The following SLC16A6 variants were observed in gnomAD, a reference collection of about 807,000 sequenced individuals.
SLC16A6 encodes solute carrier family 16 member 6, also known as monocarboxylate transporter 7.
SLC16A6 carries 15 observed loss-of-function variants against 33.8 expected under a neutral mutation model. The observed-to-expected ratio is 0.44, with a 90% CI of 0.30 to 0.68. The LOEUF (loss-of-function observed/expected upper bound fraction) is 0.68. Among genes scored for constraint, SLC16A6 ranks in the 30% least tolerant of loss-of-function variants. The pLI is 0.10. For synonymous variants in SLC16A6, 219 were observed against 248.4 expected (o/e 0.88, Z 1.11); for missense variants, 451 against 661.5 (o/e 0.68, Z 3.49).
rs1555750063 is a variant in SLC16A6 at position 68,274,017 on chromosome 17, A to G, written c.286T>C (p.Leu96=). ...CCGGTGCTGACAAGTAGCCCCCCCA[A>G]CATCACTACCAGACGGTGTCCGAAA... The part of the protein sequence containing the change: ...NRFGHRLVVM[L]GGLLVSTGMV... The change falls in exon 3 of 6, where the codon TTG becomes CTG. Residue 96 remains leucine, a synonymous_variant. Coordinates refer to ENST00000580666, the MANE Select transcript of SLC16A6 (RefSeq NM_004694.5). 17 of 1,614,020 alleles carry G rather than the reference A, an allele frequency of 1.1e-5. No homozygotes were observed. The highest frequency in any genetic ancestry group is 6.6e-5 in the South Asian group (6 of 91,088).
chr17:68,272,911 T>C (rs12937152), intron 3 of SLC16A6, 144 bp from the exon 4 acceptor site: 226 of 964,504 alleles, frequency 2.3e-4, no homozygotes, highest in Non-Finnish European at 2.9e-4. Context: ...ACAAAGGTGA[T>C]GTTGCAAAGA....
chr17:68,282,293 A>T lies in SLC16A6; in HGVS notation c.-7-3966T>A, dbSNP rs1292827519. Among the ~76,000 whole-genome samples, 3 of 151,830 alleles carry T rather than the reference A, an allele frequency of 2.0e-5. No individual in the cohort carries two copies. In the East Asian group the frequency reaches 5.9e-4, roughly 30 times the overall value. On this transcript the variant is annotated intron_variant, in intron 1 of 5. Coordinates refer to ENST00000580666, the MANE Select transcript of SLC16A6 (RefSeq NM_004694.5). ...CACACGTTCTCACTCATAGGTGGGA[A>T]TTGAACAATGAGAACACTTGGACAC...
chr17:68,287,953 TTCTCTCTCTCTCTC>T (rs150311794), intron 1 of SLC16A6, among the ~76,000 whole-genome samples: 1 of 146,150 alleles, frequency 6.8e-6, no homozygotes, highest in African/African-American at 2.5e-5. Flanking sequence ...CTCTCTCTCT[TTCTCTCTCTCTCTC>T]TCTCCCCCTC....
At chr17:68,273,116 A>T (rs1200160202) in intron 3 of SLC16A6, among the ~76,000 whole-genome samples, 1 of 152,198 alleles carries the variant, frequency 6.6e-6, no homozygotes. Context: ...TATGTGCAGA[A>T]ATACAGGAAA....
chr17:68,272,480 G>A (rs1201557570), intron 4 of SLC16A6, among the ~76,000 whole-genome samples, 159 bp downstream of exon 4: 1 of 152,178 alleles, frequency 6.6e-6, no homozygotes, highest in Non-Finnish European at 1.5e-5. Flanking sequence ...GGGTTAGGGA[G>A]GACAGATCCT....
Position 68,268,898 on chromosome 17 carries a change from A to G in SLC16A6, c.*198T>C. 7.9e-7 allele frequency: 1 copy of G among 1,273,010 alleles called. No individual in the cohort carries two copies. Among genetic ancestry groups the G allele is most frequent in the South Asian group, 1.6e-5 (1 of 64,172 alleles). 78.9% of individuals were successfully genotyped at this position (1,273,010 alleles called of 1,614,324 possible). On this transcript the variant is annotated 3_prime_UTR_variant, in exon 6 of 6. Coordinates refer to ENST00000580666, the MANE Select transcript of SLC16A6 (RefSeq NM_004694.5). ...TGTTTTTTGTTTTGGCTTTAAAAAC[A>G]AGCAAAAAAAAAAAGCTTAAAACAA...
intron 1 of SLC16A6, among the ~76,000 whole-genome samples, chr17:68,287,411 C>T (rs973169786): frequency 1.3e-5 from 2 of 151,742 alleles, no homozygotes; most frequent in East Asian, 1.9e-4. Flanking sequence ...CCTCCCACCT[C>T]GGCCTCCCAA....
At chr17:68,284,499 T>C (rs2075797976) in intron 1 of SLC16A6, among the ~76,000 whole-genome samples, 2 of 152,248 alleles carry the variant, frequency 1.3e-5, no homozygotes, top group Admixed American at 1.3e-4. Context: ...ATATCCTTTA[T>C]ATCCTTTTCC....
At chr17:68,287,990 C>CTT (rs542264053) in intron 1 of SLC16A6, among the ~76,000 whole-genome samples, 4 of 126,092 alleles carry the variant, frequency 3.2e-5, no homozygotes, top group Non-Finnish European at 5.2e-5. Flanking sequence ...TCCCTCCTTT[C>CTT]TTTTTTTTTT....
At chr17:68,274,187 C>T (rs371474411) in intron 2 of SLC16A6, 117 bp from the exon 3 acceptor site, 92 of 1,117,836 alleles carry the variant, frequency 8.2e-5, no homozygotes, top group South Asian at 7.3e-4. Flanking sequence ...TAAATATGGC[C>T]GAGCGCAGTG....
Position 68,268,916 on chromosome 17 carries a change from T to TAAAACAAAAC in SLC16A6, c.*170_*179dup, listed in dbSNP as rs200861671. 6.3e-6 allele frequency: 9 copies of TAAAACAAAAC among 1,425,346 alleles called. No individual in the cohort carries two copies. Among genetic ancestry groups the TAAAACAAAAC allele is most frequent in the African/African-American group, 1.4e-5 (1 of 69,528 alleles). The allele number at this position is 1,425,346 out of a possible 1,614,324, so 88.3% of individuals were successfully genotyped here. A position where few individuals can be genotyped will look rare whatever the true frequency, so the allele number is the denominator to read the frequency against. On this transcript the variant is annotated 3_prime_UTR_variant, in exon 6 of 6. Coordinates refer to ENST00000580666, the MANE Select transcript of SLC16A6 (RefSeq NM_004694.5). ...TAAAAACAAGCAAAAAAAAAAAGCTTAAAACAAAACAAAACAAAACAAAAG... is the reference window on the plus strand; with the variant it reads ...TAAAAACAAGCAAAAAAAAAAAGCTTAAAACAAAACAAAACAAAACAAAACAAAACAAAAG...
At chr17:68,284,103 CAAAAAAAAA>C (rs1189737736) in intron 1 of SLC16A6, among the ~76,000 whole-genome samples, 9 of 56,516 alleles carry the variant, frequency 1.6e-4, no homozygotes, top group African/African-American at 5.8e-4. Flanking sequence ...GACTCTGTCT[CAAAAAAAAA>C]AAAAAAAAAA....
chr17:68,270,976 A>G lies in SLC16A6; in HGVS notation c.1184T>C (p.Met395Thr). ...LMSCSIFFGF[M>T]VGTIGGTHIP... ...GTGAGTCCCTCCTATTGTTCCAACC[A>G]TAAACCCAAAAAATATGCTGCATGA... Residue 395 changes from methionine to threonine, a missense_variant, in exon 5 of 6, where the codon ATG becomes ACG. Around this residue, in one of 2 missense-constraint regions of SLC16A6, gnomAD observed 405 missense variants for 510.7 expected, o/e 0.79. Coordinates refer to ENST00000580666, the MANE Select transcript of SLC16A6 (RefSeq NM_004694.5). The G allele has an allele frequency of 3.1e-6, 5 of 1,614,228 alleles. No homozygotes were observed. The highest frequency in any genetic ancestry group is 1.1e-5 in the South Asian group (1 of 91,084).
Position 68,277,366 on chromosome 17 carries a change from G to A in SLC16A6, c.232+723C>T, listed in dbSNP as rs1204258766. ...AGGCTGGTCTCGAATTCCTGACCTCGTGATCCACCTGCCTCGGCTTTCCAA... is the reference window on the plus strand; with the variant it reads ...AGGCTGGTCTCGAATTCCTGACCTCATGATCCACCTGCCTCGGCTTTCCAA... On this transcript the variant is annotated intron_variant, in intron 2 of 5. Coordinates refer to ENST00000580666, the MANE Select transcript of SLC16A6 (RefSeq NM_004694.5). 5.3e-5 allele frequency among the ~76,000 whole-genome samples: 8 copies of A among 151,922 alleles called. No individual in the cohort carries two copies. In the East Asian group the frequency reaches 1.4e-3, roughly 26 times the overall value.
chr17:68,273,767 C>T, intron 3 of SLC16A6, 160 bp downstream of exon 3: 2 of 750,528 alleles, frequency 2.7e-6, no homozygotes. Context: ...CCCCTGAAGT[C>T]CATATAGCTC....
intron 3 of SLC16A6, among the ~76,000 whole-genome samples, 196 bp from the exon 4 acceptor site, chr17:68,272,963 G>T (rs1555749563): frequency 6.6e-6 from 1 of 151,554 alleles, no homozygotes; most frequent in African/African-American, 2.4e-5. Context: ...TTCAGTGGTT[G>T]TTTGGGATAC....
In SLC16A6 at chr17:68,272,649, A is replaced by G. The variant is rs781891337; in HGVS notation, c.495T>C (p.Ala165=). 1 of 1,614,092 alleles carries G rather than the reference A, an allele frequency of 6.2e-7. No homozygotes were observed. The highest frequency in any genetic ancestry group is 1.1e-5 in the South Asian group (1 of 91,082). The change falls in exon 4 of 6, where the codon GCT becomes GCC. Residue 165 remains alanine (A), a synonymous_variant. Transcript: ENST00000580666. The part of the protein sequence containing the change: ...ASTGECFAVF[A]FAPAIMALKE... ...TTGTAGTCCACCTACCTGGTGCGAA[A>G]GCAAACACAGCGAAACATTCTCCTG...
In SLC16A6 at chr17:68,271,731, G is replaced by T; in HGVS notation, c.506-77C>A. 9.0e-7 allele frequency: 1 copy of T among 1,107,396 alleles called. No individual in the cohort carries two copies. Among genetic ancestry groups the T allele is most frequent in the Non-Finnish European group, 1.3e-6 (1 of 772,098 alleles). 68.6% of individuals were successfully genotyped at this position (1,107,396 alleles called of 1,614,324 possible). ...AAGACCCAGGAGAAGCCATCAAGAA[G>T]AAATATGGATCCAGATTTTGTTATA... On this transcript the variant is annotated intron_variant, in intron 4 of 5. Transcript: ENST00000580666. The surrounding 1 kb of genome is among the most constrained non-coding windows in gnomAD (Gnocchi z 5.3).
At chr17:68,281,992 C>T (rs1460225961) in intron 1 of SLC16A6, among the ~76,000 whole-genome samples, 1 of 152,164 alleles carries the variant, frequency 6.6e-6, no homozygotes, top group African/African-American at 2.4e-5. Context: ...CCAGCCATCC[C>T]ATTACTGGGT....
Sources: allele counts gnomAD v4.1 joint callset (sites outside exome capture counted in the v4.1 genomes callset), GRCh38; gene constraint gnomAD v4.1.1; regional missense constraint gnomAD v4.1.1; non-coding constraint Gnocchi (gnomAD v3.1); transcripts MANE v1.5; gene names NCBI Gene and HGNC (gene_info 2026-07-23, HGNC 2026-07-21).